Variants in BMPR1B observed in about 807,000 individuals in gnomAD.
BMPR1B encodes bone morphogenetic protein receptor type-1B.
Under a neutral mutation model 59.1 loss-of-function variants are expected in BMPR1B, and 12 were observed. The ratio of observed to expected loss-of-function variants is 0.20; its 90% CI spans 0.13 to 0.33. The LOEUF (loss-of-function observed/expected upper bound fraction) is 0.33, where lower values mean the gene tolerates loss of function less well. BMPR1B is among the 10% of genes least tolerant of loss of function. BMPR1B has a pLI of 1.00. For synonymous variants in BMPR1B, 237 were observed against 207.3 expected (o/e 1.14, Z -1.23); for missense variants, 550 against 610.9 (o/e 0.90, Z 1.05).
chr4:94,922,670 A>G (rs192527374), intron 2 of BMPR1B, among the ~76,000 whole-genome samples: 13 of 152,250 alleles, frequency 8.5e-5, no homozygotes, highest in Admixed American at 5.9e-4. Flanking sequence ...ATAAAATAAT[A>G]TTAGTAAGCA....
At chr4:94,770,757 A>G (rs1722155114) in intron 1 of BMPR1B, among the ~76,000 whole-genome samples, 1 of 152,018 alleles carries the variant, frequency 6.6e-6, no homozygotes, top group African/African-American at 2.4e-5. Context: ...ATGATGACTC[A>G]GTTCATTATA....
At chr4:95,025,480 A>C (rs1459226139) in intron 3 of BMPR1B, among the ~76,000 whole-genome samples, 1 of 152,188 alleles carries the variant, frequency 6.6e-6, no homozygotes, top group Non-Finnish European at 1.5e-5. Context: ...TGTAGTGGAC[A>C]TGAAGACAAG....
chr4:95,003,824 T>TTC (rs1722628866), intron 3 of BMPR1B, among the ~76,000 whole-genome samples: 1 of 146,442 alleles, frequency 6.8e-6, no homozygotes, highest in Non-Finnish European at 1.5e-5. Flanking sequence ...TTTTTTTTTT[T>TTC]TGAGATGGAG....
intron 2 of BMPR1B, among the ~76,000 whole-genome samples, chr4:94,984,923 G>T (rs1179856694): frequency 6.6e-6 from 1 of 152,152 alleles, no homozygotes; most frequent in African/African-American, 2.4e-5. Flanking sequence ...ATTTGAATCT[G>T]CATTCTCACA....
At chr4:95,050,246 A>ATATATTTGAGTAATATT (rs1293105715) in intron 3 of BMPR1B, among the ~76,000 whole-genome samples, 2 of 152,206 alleles carry the variant, frequency 1.3e-5, no homozygotes, top group African/African-American at 2.4e-5. Context: ...ATATGGATAA[A>ATATATTTGAGTAATATT]TATTACTCAA....
At chr4:95,080,895 T>G (rs1057213762) in intron 3 of BMPR1B, among the ~76,000 whole-genome samples, 1 of 152,178 alleles carries the variant, frequency 6.6e-6, no homozygotes. Flanking sequence ...GTAAAGTGTG[T>G]ATAATAAAAT....
chr4:95,110,971 C>T (rs993656782), intron 4 of BMPR1B, among the ~76,000 whole-genome samples: 3 of 152,154 alleles, frequency 2.0e-5, no homozygotes, highest in African/African-American at 7.2e-5. Context: ...ACTGACTTTA[C>T]TCCCTTGAGT....
At chr4:94,779,787 G>T (rs539598875) in intron 1 of BMPR1B, among the ~76,000 whole-genome samples, 1 of 151,886 alleles carries the variant, frequency 6.6e-6, no homozygotes, top group Non-Finnish European at 1.5e-5. Context: ...AGCCGAGATC[G>T]TGCCACCTCA....
At chr4:94,987,154 A>AT (rs1721468266) in intron 2 of BMPR1B, among the ~76,000 whole-genome samples, 1 of 144,408 alleles carries the variant, frequency 6.9e-6, no homozygotes, top group Non-Finnish European at 1.5e-5. Context: ...TAATGTATAT[A>AT]TACATATACA....
intron 2 of BMPR1B, among the ~76,000 whole-genome samples, chr4:94,995,338 A>G (rs1158486822): frequency 2.0e-5 from 3 of 152,006 alleles, no homozygotes; most frequent in African/African-American, 7.2e-5. Context: ...GATTAATGTT[A>G]TACTTTCCTA....
intron 3 of BMPR1B, among the ~76,000 whole-genome samples, chr4:95,087,086 C>T (rs577363188): frequency 1.0e-4 from 15 of 144,792 alleles, no homozygotes; most frequent in African/African-American, 7.9e-5. Context: ...CTCACTTCAG[C>T]GGCACAATTT....
intron 2 of BMPR1B, among the ~76,000 whole-genome samples, chr4:94,942,060 C>T (rs1729539634): frequency 3.3e-5 from 5 of 152,196 alleles, no homozygotes; most frequent in Admixed American, 1.3e-4. Flanking sequence ...GGCTTACCTG[C>T]ATATTGTAAA....
intron 2 of BMPR1B, among the ~76,000 whole-genome samples, chr4:94,970,461 G>A (rs1243302794): frequency 6.6e-6 from 1 of 151,708 alleles, no homozygotes; most frequent in Non-Finnish European, 1.5e-5. Context: ...GACTACAGGC[G>A]CGCCACCATG....
At chr4:95,109,703 TTA>T (rs1198943034) in intron 4 of BMPR1B, among the ~76,000 whole-genome samples, 5 of 5,788 alleles carry the variant, frequency 8.6e-4, no homozygotes, top group Admixed American at 4.6e-3. Context: ...CTTCTTTTTA[TTA>T]TTATTATTAT....
intron 3 of BMPR1B, among the ~76,000 whole-genome samples, chr4:95,084,091 A>G (rs902070374): frequency 6.6e-6 from 1 of 152,020 alleles, no homozygotes; most frequent in Non-Finnish European, 1.5e-5. Flanking sequence ...AAATAATTTT[A>G]TATGTATGTA....
chr4:95,137,561 T>A (rs1437031514), intron 10 of BMPR1B, among the ~76,000 whole-genome samples: 1 of 152,190 alleles, frequency 6.6e-6, no homozygotes, highest in Non-Finnish European at 1.5e-5. Context: ...TTTGTAGGTC[T>A]CTAAGGACTC....
At position 94,782,098 on chromosome 4, in the gene BMPR1B, TCTC is replaced by T. The variant is rs1722611984; in HGVS notation, c.-183+24034_-183+24036del. ...GAATTTGTTTTGCTTCTTTTTTTTT[TCTC>T]CTCTTTTTGGTAGCCCCCTTACATA... On this transcript the variant is annotated intron_variant, in intron 1 of 12. Transcript: ENST00000515059. Among the ~76,000 whole-genome samples the T allele has an allele frequency of 3.3e-5, 5 of 152,006 alleles. No individual in the cohort carries two copies. In the South Asian group the frequency reaches 1.0e-3, roughly 32 times the overall value.
chr4:95,137,672 G>A (rs1733902009), intron 10 of BMPR1B, among the ~76,000 whole-genome samples: 1 of 151,942 alleles, frequency 6.6e-6, no homozygotes, highest in Admixed American at 6.6e-5. Flanking sequence ...GGCCTTCTTT[G>A]TCTCTTTTGA....
At chr4:94,892,099 C>T (rs1401058923) in intron 2 of BMPR1B, among the ~76,000 whole-genome samples, 4 of 152,010 alleles carry the variant, frequency 2.6e-5, no homozygotes, top group South Asian at 2.1e-4. Context: ...CGTAATTGCT[C>T]GTAGTTTTTA....
Sources: allele counts gnomAD v4.1 joint callset (sites outside exome capture counted in the v4.1 genomes callset), GRCh38; gene constraint gnomAD v4.1.1; transcripts MANE v1.5; gene names NCBI Gene and HGNC (gene_info 2026-07-23, HGNC 2026-07-21).